VAV3: variants seen among roughly 807,000 people sequenced by gnomAD.
VAV3 encodes the protein guanine nucleotide exchange factor VAV3.
Under a neutral mutation model 131.2 loss-of-function variants are expected in VAV3, and 94 were observed. That is an observed-to-expected ratio of 0.72 (90% CI 0.61 to 0.85). VAV3 has a LOEUF of 0.85. Among genes scored for constraint, VAV3 ranks in the 40% least tolerant of loss-of-function variants. The pLI is 0.00. For synonymous variants in VAV3, 349 were observed against 342.0 expected, an observed-to-expected ratio of 1.02 and a Z score of -0.22; for missense variants, 939 against 1,002.7, an observed-to-expected ratio of 0.94 and a Z score of 0.86.
intron 1 of VAV3, among the ~76,000 whole-genome samples, chr1:107,878,838 T>A (rs1670632537): frequency 2.0e-5 from 3 of 152,132 alleles, no homozygotes; most frequent in Admixed American, 2.0e-4. Context: ...TCCCAATAAT[T>A]TTTCACAATG....
chr1:107,736,981 A>G (rs959556153), intron 15 of VAV3, among the ~76,000 whole-genome samples: 3 of 152,226 alleles, frequency 2.0e-5, no homozygotes, highest in African/African-American at 7.2e-5. Flanking sequence ...TAACCAAAAC[A>G]GCATGGTACT....
chr1:107,668,539 C>T, intron 19 of VAV3: 2 of 797,898 alleles, frequency 2.5e-6, no homozygotes, highest in Non-Finnish European at 3.0e-6. Context: ...ATGGCTACTT[C>T]ACCAACATGC....
intron 1 of VAV3, among the ~76,000 whole-genome samples, chr1:107,933,082 T>C (rs1364763200): frequency 6.6e-6 from 1 of 152,166 alleles, no homozygotes; most frequent in African/African-American, 2.4e-5. Context: ...GTATAAGAAA[T>C]TTATGCCAAA....
At chr1:107,808,934 G>A (rs910271444) in intron 2 of VAV3, among the ~76,000 whole-genome samples, 5 of 152,098 alleles carry the variant, frequency 3.3e-5, no homozygotes, top group Non-Finnish European at 7.4e-5. Context: ...CAAAGAGTAA[G>A]AACATTTTTG....
At chr1:107,930,704 T>C (rs541209149) in intron 1 of VAV3, among the ~76,000 whole-genome samples, 41 of 152,178 alleles carry the variant, frequency 2.7e-4, no homozygotes, top group Admixed American at 6.5e-5. Context: ...ACATGATTGA[T>C]GAAAAGTCAA....
intron 19 of VAV3, among the ~76,000 whole-genome samples, chr1:107,676,608 T>C (rs951890414): frequency 6.6e-6 from 1 of 152,182 alleles, no homozygotes; most frequent in African/African-American, 2.4e-5. Flanking sequence ...AAAACTTTTT[T>C]TTTTCCTAAG....
At chr1:107,758,966 C>T (rs1664268049) in intron 10 of VAV3, among the ~76,000 whole-genome samples, 1 of 152,160 alleles carries the variant, frequency 6.6e-6, no homozygotes, top group Non-Finnish European at 1.5e-5. Context: ...CCTTTAAAGC[C>T]CAACTCAAGA....
rs141933405 is a variant in VAV3, at chr1:107,877,346, C to T, written c.205-2329G>A. Among the ~76,000 whole-genome samples the T allele has an allele frequency of 4.1e-3, 623 of 152,170 alleles. 4 individuals are homozygous for T. Among genetic ancestry groups the T allele is most frequent in the African/African-American group, 0.014 (585 of 41,486 alleles). Reference sequence around the variant, plus strand: ...GCAATATCGTTTACATAATTAAGTGCCTGACTCATAGCTCACCAAGGAACA... The same window carrying T: ...GCAATATCGTTTACATAATTAAGTGTCTGACTCATAGCTCACCAAGGAACA... On this transcript the variant is annotated intron_variant, in intron 1 of 26. Coordinates refer to ENST00000370056, the MANE Select transcript of VAV3 (RefSeq NM_006113.5).
intron 1 of VAV3, among the ~76,000 whole-genome samples, chr1:107,894,779 T>C (rs1671487019): frequency 6.6e-6 from 1 of 152,158 alleles, no homozygotes; most frequent in African/African-American, 2.4e-5. Flanking sequence ...CAAATGTACT[T>C]CCCCAAACAT....
At chr1:107,660,583 TTCAC>T (rs1475753531) in intron 19 of VAV3, among the ~76,000 whole-genome samples, 26 of 152,222 alleles carry the variant, frequency 1.7e-4, no homozygotes, top group Non-Finnish European at 3.1e-4. Flanking sequence ...GAACACATCA[TTCAC>T]TGTGGCTGCA....
chr1:107,951,522 A>G (rs991867349), intron 1 of VAV3, among the ~76,000 whole-genome samples: 1 of 152,246 alleles, frequency 6.6e-6, no homozygotes, highest in Non-Finnish European at 1.5e-5. Context: ...AACTCTCAAC[A>G]GAGTAAAGAG....
chr1:107,869,462 G>A (rs1304327229), intron 2 of VAV3, among the ~76,000 whole-genome samples: 1 of 151,964 alleles, frequency 6.6e-6, no homozygotes, highest in Non-Finnish European at 1.5e-5. Context: ...TACTTACCTT[G>A]GACCTTGACA....
chr1:107,892,142 C>T (rs1325778574), intron 1 of VAV3, among the ~76,000 whole-genome samples: 1 of 151,996 alleles, frequency 6.6e-6, no homozygotes, highest in East Asian at 1.9e-4. Flanking sequence ...GTCATAATGG[C>T]ATGTCATTGT....
chr1:107,589,129 A>G (rs1489834613), intron 25 of VAV3, among the ~76,000 whole-genome samples: 1 of 152,234 alleles, frequency 6.6e-6, no homozygotes, highest in Non-Finnish European at 1.5e-5. Flanking sequence ...AAATTAGAAT[A>G]AGGATGGAAA....
intron 19 of VAV3, chr1:107,669,529 A>G: frequency 7.9e-7 from 1 of 1,268,736 alleles, no homozygotes; most frequent in South Asian, 1.3e-5. Context: ...AAATTTCACC[A>G]TGGATCCATT....
intron 25 of VAV3, among the ~76,000 whole-genome samples, chr1:107,594,068 A>T (rs1651179104): frequency 6.6e-6 from 1 of 152,112 alleles, no homozygotes; most frequent in African/African-American, 2.4e-5. Flanking sequence ...CACAAATTTG[A>T]TCTAAGATTG....
intron 2 of VAV3, among the ~76,000 whole-genome samples, chr1:107,863,296 G>A (rs1669828082): frequency 6.6e-6 from 1 of 152,082 alleles, no homozygotes. Flanking sequence ...TCTAGTAAAG[G>A]TCTGCATCAT....
intron 20 of VAV3, among the ~76,000 whole-genome samples, chr1:107,630,987 C>G (rs1654425611): frequency 6.6e-6 from 1 of 152,132 alleles, no homozygotes; most frequent in Non-Finnish European, 1.5e-5. Flanking sequence ...TTAATCATGA[C>G]AGCCTTGAAA....
intron 9 of VAV3, among the ~76,000 whole-genome samples, chr1:107,764,829 TCA>T (rs1358912910): frequency 6.6e-6 from 1 of 152,146 alleles, no homozygotes; most frequent in Non-Finnish European, 1.5e-5. Context: ...TGTACCTATT[TCA>T]CAGAGTCAGA....
Sources: allele counts gnomAD v4.1 joint callset (sites outside exome capture counted in the v4.1 genomes callset), GRCh38; gene constraint gnomAD v4.1.1; transcripts MANE v1.5; gene names NCBI Gene and HGNC (gene_info 2026-07-23, HGNC 2026-07-21).